Variants in COPS3 observed in about 807,000 individuals in gnomAD.
The protein encoded by COPS3 is COP9 signalosome subunit 3, also known as COP9 signalosome complex subunit 3.
Under a neutral mutation model 58.2 loss-of-function variants are expected in COPS3, and 10 were observed. The ratio of observed to expected loss-of-function variants is 0.17; its 90% confidence interval spans 0.11 to 0.29. COPS3 has a LOEUF of 0.29. Ranked by LOEUF, COPS3 falls within the 10% of genes least tolerant of loss-of-function variation. The pLI is 1.00. For missense variants in COPS3, 333 were observed against 510.1 expected (o/e 0.65, Z 3.34); for synonymous variants, 187 against 181.7 (o/e 1.03, Z -0.24).
chr17:17,272,889 GA>G, intron 2 of COPS3, among the ~76,000 whole-genome samples: 1 of 152,270 alleles, frequency 6.6e-6, no homozygotes, highest in African/African-American at 2.4e-5. Context: ...ATGACAAAGT[GA>G]GACCTTTTCT....
At chr17:17,261,457 C>G (rs2048098151) in intron 7 of COPS3, 1 of 220,942 alleles carries the variant, frequency 4.5e-6, no homozygotes, top group African/African-American at 2.4e-5. Context: ...ACCCGGGAGG[C>G]AGAGGTTGCA....
rs1456957986 is a variant in COPS3 at position 17,280,692 on chromosome 17, C to T, written c.55+440G>A. ...AGCCATAGAGCCAAGACACCCAGAA[C>T]GGACTCGCCTCCCGCCCGCTCCCGG... On this transcript the variant is annotated intron_variant, in intron 1 of 11. Coordinates refer to ENST00000268717, the MANE Select transcript of COPS3 (RefSeq NM_003653.4). 4 of 1,279,462 alleles carry T rather than the reference C, an allele frequency of 3.1e-6. No homozygotes were observed. In the Admixed American group the frequency reaches 7.6e-5, roughly 24 times the overall value. 79.3% of individuals were successfully genotyped at this position (1,279,462 alleles called of 1,614,324 possible).
intron 9 of COPS3, among the ~76,000 whole-genome samples, chr17:17,253,182 C>T (rs1426009093): frequency 6.6e-6 from 1 of 152,088 alleles, no homozygotes. Flanking sequence ...GCCATGATTA[C>T]GCCACTGCAC....
intron 9 of COPS3, among the ~76,000 whole-genome samples, chr17:17,251,711 C>G (rs1248773237): frequency 6.6e-6 from 1 of 152,150 alleles, no homozygotes; most frequent in Non-Finnish European, 1.5e-5. Context: ...GCCAAAAAAC[C>G]AGATTCCCAG....
chr17:17,250,066 C>T (rs2047808603), intron 9 of COPS3, among the ~76,000 whole-genome samples: 1 of 152,154 alleles, frequency 6.6e-6, no homozygotes, highest in African/African-American at 2.4e-5. Flanking sequence ...TCCCCATTCC[C>T]TCCTTCTCCT....
At chr17:17,272,160 C>T (rs958583876) in intron 2 of COPS3, among the ~76,000 whole-genome samples, 4 of 151,760 alleles carry the variant, frequency 2.6e-5, no homozygotes, top group East Asian at 1.9e-4. Context: ...CGGTGGCTCA[C>T]GCCTATAATC....
chr17:17,258,573 T>C (rs1630656), intron 8 of COPS3, among the ~76,000 whole-genome samples: 98,611 of 152,084 alleles, frequency 0.65, 32,338 homozygotes, highest in East Asian at 0.85. Flanking sequence ...TTATCTAAAC[T>C]TCAATTACTA....
At chr17:17,275,454 AC>A (rs2048441639) in intron 2 of COPS3, among the ~76,000 whole-genome samples, 1 of 152,156 alleles carries the variant, frequency 6.6e-6, no homozygotes. Flanking sequence ...CAGTGGCGCG[AC>A]CTTGGCTCAC....
rs143212878 is a variant in COPS3 at position 17,262,496 on chromosome 17, G to A, written c.622-390C>T. Among the ~76,000 whole-genome samples, 897 of 152,188 alleles carry A rather than the reference G, an allele frequency of 5.9e-3. 10 individuals are homozygous for A. Among genetic ancestry groups the A allele is most frequent in the African/African-American group, 0.02 (846 of 41,526 alleles). ...TGTAATCCCAGCACTTTGAGAGGCC[G>A]AGGTGGGTGGATCACGAGGTCAGGG... On this transcript the variant is annotated intron_variant, in intron 6 of 11. Coordinates refer to ENST00000268717, the MANE Select transcript of COPS3 (RefSeq NM_003653.4).
At chr17:17,276,189 G>T in intron 1 of COPS3, 25 bp from the exon 2 acceptor site, 1 of 1,612,410 alleles carries the variant, frequency 6.2e-7, no homozygotes, top group Non-Finnish European at 8.5e-7. Context: ...CAACACTATT[G>T]CATTTCAGCT....
intron 10 of COPS3, among the ~76,000 whole-genome samples, chr17:17,248,225 G>A (rs913440983): frequency 2.6e-5 from 4 of 152,174 alleles, no homozygotes; most frequent in African/African-American, 7.2e-5. Flanking sequence ...AGTTATACTG[G>A]GCCCTTTAAG....
chr17:17,261,217 C>T (rs528135132), intron 7 of COPS3, among the ~76,000 whole-genome samples: 1 of 152,282 alleles, frequency 6.6e-6, no homozygotes, highest in Non-Finnish European at 1.5e-5. Flanking sequence ...GGACAATCTG[C>T]TACTTCTGCT....
At chr17:17,263,505 C>CTTTTTTTTTT (rs1400982096) in intron 6 of COPS3, among the ~76,000 whole-genome samples, 3 of 108,460 alleles carry the variant, frequency 2.8e-5, no homozygotes, top group Non-Finnish European at 5.4e-5. Context: ...AGCCTCTTGC[C>CTTTTTTTTTT]TTTTCTTTTT....
intron 1 of COPS3, chr17:17,280,790 G>A: frequency 7.9e-7 from 1 of 1,265,734 alleles, no homozygotes; most frequent in Non-Finnish European, 1.0e-6. Flanking sequence ...AGGCAAGAGA[G>A]ACAGAAGGAA....
rs555157110 is a variant in COPS3, at chr17:17,260,839, T to C, written c.763-365A>G. ...AAAAACCAAAAACAAACAAACAAAC[T>C]TCAGAAGACTCAAATGTGTATAGGA... On this transcript the variant is annotated intron_variant, in intron 7 of 11. Coordinates refer to ENST00000268717, the MANE Select transcript of COPS3 (RefSeq NM_003653.4). The C allele has an allele frequency of 2.6e-3, 429 of 168,016 alleles. 2 individuals carry two copies. The highest frequency in any genetic ancestry group is 9.8e-3 in the African/African-American group (406 of 41,422). 10.4% of individuals were successfully genotyped at this position (168,016 alleles called of 1,614,324 possible).
At chr17:17,252,472 A>AGATAACGCTTTGGTGTGTGGG (rs1476105581) in intron 9 of COPS3, among the ~76,000 whole-genome samples, 104 of 151,504 alleles carry the variant, frequency 6.9e-4, no homozygotes, top group East Asian at 1.6e-3. Flanking sequence ...TGTCCTGGGC[A>AGATAACGCTTTGGTGTGTGGG]CTGCAGGACG....
chr17:17,259,441 C>A (rs2048045659), intron 8 of COPS3, among the ~76,000 whole-genome samples: 1 of 152,118 alleles, frequency 6.6e-6, no homozygotes, highest in Non-Finnish European at 1.5e-5. Context: ...CAAAACCTAG[C>A]AGGTTATTTT....
chr17:17,264,669 G>C (rs1162103521), intron 6 of COPS3, 133 bp downstream of exon 6: 5 of 665,494 alleles, frequency 7.5e-6, no homozygotes, highest in South Asian at 2.1e-5. Flanking sequence ...TGATCACAGA[G>C]AAGTAGTCTC....
At chr17:17,275,992 C>T (rs2048453095) in intron 2 of COPS3, 43 bp downstream of exon 2, 1 of 1,559,058 alleles carries the variant, frequency 6.4e-7, no homozygotes, top group Admixed American at 1.8e-5. Context: ...GCACAGTGTT[C>T]CATTTTAACA....
Sources: allele counts gnomAD v4.1 joint callset (sites outside exome capture counted in the v4.1 genomes callset), GRCh38; gene constraint gnomAD v4.1.1; transcripts MANE v1.5; gene names NCBI Gene and HGNC (gene_info 2026-07-23, HGNC 2026-07-21).